Variants in LRMDA observed in about 807,000 individuals in gnomAD.
LRMDA encodes leucine-rich melanocyte differentiation-associated protein.
A neutral mutation model predicts 29.8 loss-of-function variants in LRMDA; 18 were observed. The observed-to-expected ratio is 0.60, with a 90% CI of 0.42 to 0.90. The LOEUF is 0.90. Among genes scored for constraint, LRMDA ranks in the 40% least tolerant of loss-of-function variants. The pLI is 0.00. For synonymous variants in LRMDA, 125 were observed against 109.4 expected (o/e 1.14, Z -0.89); for missense variants, 273 against 273.9 (o/e 1.00, Z 0.02).
chr10:76,464,305 A>T (rs557721601), intron 6 of LRMDA, among the ~76,000 whole-genome samples: 1 of 152,288 alleles, frequency 6.6e-6, no homozygotes, highest in African/African-American at 2.4e-5. Flanking sequence ...GATGAGGATT[A>T]TGATGCATAG....
At chr10:75,529,367 G>T (rs896448808) in intron 2 of LRMDA, among the ~76,000 whole-genome samples, 1 of 152,200 alleles carries the variant, frequency 6.6e-6, no homozygotes, top group Non-Finnish European at 1.5e-5. Context: ...ACCAGCCAAA[G>T]AAGCAGTCAA....
At chr10:75,926,790 C>T (rs1391907561) in intron 2 of LRMDA, among the ~76,000 whole-genome samples, 1 of 152,206 alleles carries the variant, frequency 6.6e-6, no homozygotes, top group Non-Finnish European at 1.5e-5. Context: ...GCTTTCTACT[C>T]AGTGGGCTGT....
At chr10:75,573,944 C>T (rs561272765) in intron 2 of LRMDA, among the ~76,000 whole-genome samples, 1 of 151,500 alleles carries the variant, frequency 6.6e-6, no homozygotes, top group South Asian at 2.1e-4. Flanking sequence ...TTTACATACA[C>T]TAATAGAACA....
chr10:75,533,423 G>A (rs913959756), intron 2 of LRMDA, among the ~76,000 whole-genome samples: 1 of 152,224 alleles, frequency 6.6e-6, no homozygotes, highest in Admixed American at 6.5e-5. Context: ...GAGCCTGGGA[G>A]AGTTTCGTGC....
chr10:75,648,876 T>C (rs1248987350), intron 2 of LRMDA, among the ~76,000 whole-genome samples: 1 of 152,182 alleles, frequency 6.6e-6, no homozygotes, highest in Non-Finnish European at 1.5e-5. Context: ...AAGAAACAGA[T>C]GTTCTGAGTA....
At chr10:76,148,877 A>G (rs904205794) in intron 5 of LRMDA, among the ~76,000 whole-genome samples, 4 of 152,068 alleles carry the variant, frequency 2.6e-5, no homozygotes, top group African/African-American at 9.7e-5. Context: ...ACAGGCCTAC[A>G]AGCATCTCCT....
chr10:76,449,113 G>A (rs977733707), intron 6 of LRMDA, among the ~76,000 whole-genome samples: 2 of 151,708 alleles, frequency 1.3e-5, no homozygotes, highest in African/African-American at 4.8e-5. Flanking sequence ...AAATGCCTCA[G>A]GGGTATTTGA....
chr10:76,381,201 C>T (rs1486625972), intron 6 of LRMDA, among the ~76,000 whole-genome samples: 1 of 151,868 alleles, frequency 6.6e-6, no homozygotes, highest in Non-Finnish European at 1.5e-5. Flanking sequence ...AAAGGAGTTA[C>T]TATTACATTA....
chr10:75,831,609 G>T (rs1216666237), intron 2 of LRMDA, among the ~76,000 whole-genome samples: 1 of 152,158 alleles, frequency 6.6e-6, no homozygotes, highest in East Asian at 1.9e-4. Context: ...AGTTCCACTA[G>T]GTAGTGCCTC....
chr10:76,377,663 A>G (rs572414677), intron 6 of LRMDA, among the ~76,000 whole-genome samples: 1 of 152,172 alleles, frequency 6.6e-6, no homozygotes, highest in African/African-American at 2.4e-5. Context: ...TGTTTTGTCA[A>G]CTTTGTTGGA....
At chr10:76,365,107 T>TATATATATATATATATATAC (rs141131236) in intron 6 of LRMDA, among the ~76,000 whole-genome samples, 7 of 61,202 alleles carry the variant, frequency 1.1e-4, no homozygotes, top group African/African-American at 2.8e-4. Flanking sequence ...TATATATATA[T>TATATATATATATATATATAC]ACACACACAC....
intron 6 of LRMDA, among the ~76,000 whole-genome samples, chr10:76,348,147 A>G (rs566472069): frequency 7.9e-5 from 12 of 152,228 alleles, no homozygotes; most frequent in African/African-American, 2.9e-4. Flanking sequence ...AAAAACAGAG[A>G]TTAGAAATCA....
chr10:75,816,758 C>T (rs962798900), intron 2 of LRMDA, among the ~76,000 whole-genome samples: 2 of 152,130 alleles, frequency 1.3e-5, no homozygotes, highest in South Asian at 2.1e-4. Context: ...GGATGTATAG[C>T]GAGTCCTCAT....
chr10:76,132,473 C>T (rs1850010373), intron 5 of LRMDA, among the ~76,000 whole-genome samples: 1 of 152,110 alleles, frequency 6.6e-6, no homozygotes, highest in Admixed American at 6.5e-5. Context: ...ATACGAATGA[C>T]CCTAAGGCAC....
At chr10:75,869,893 A>T (rs1049065778) in intron 2 of LRMDA, among the ~76,000 whole-genome samples, 1 of 152,016 alleles carries the variant, frequency 6.6e-6, no homozygotes, top group East Asian at 1.9e-4. Context: ...TCCAAAGATA[A>T]TTTCCTGTGA....
At chr10:75,840,343 G>C (rs1338515027) in intron 2 of LRMDA, among the ~76,000 whole-genome samples, 1 of 152,144 alleles carries the variant, frequency 6.6e-6, no homozygotes, top group Non-Finnish European at 1.5e-5. Flanking sequence ...CCTTTCCAGG[G>C]TTGGTCTAAG....
intron 2 of LRMDA, among the ~76,000 whole-genome samples, chr10:75,560,844 T>G (rs1015232155): frequency 6.6e-6 from 1 of 152,200 alleles, no homozygotes; most frequent in Admixed American, 6.5e-5. Context: ...ATTTATTGAT[T>G]TGCGTATATT....
rs35681299 is a variant in LRMDA at position 76,137,782 on chromosome 10, A to C, written c.516+78999A>C. 7.8e-3 allele frequency among the ~76,000 whole-genome samples: 1,167 copies of C among 149,898 alleles called. 11 individuals are homozygous for C. The highest frequency in any genetic ancestry group is 0.014 in the Non-Finnish European group (933 of 67,720). On this transcript the variant is annotated intron_variant, in intron 5 of 6. Transcript: ENST00000611255. ...ACACAGTCCCTATGGCAAAAAAAAAAAAAACAAACAAAAAACCCTAAACTT... is the reference window on the plus strand; with the variant it reads ...ACACAGTCCCTATGGCAAAAAAAAACAAAACAAACAAAAAACCCTAAACTT...
chr10:76,157,065 C>G (rs940363163), intron 5 of LRMDA, among the ~76,000 whole-genome samples: 5 of 152,142 alleles, frequency 3.3e-5, no homozygotes, highest in Non-Finnish European at 7.4e-5. Flanking sequence ...AATGAAGTGT[C>G]ATGATCAAGA....
Sources: gnomAD v4.1 joint callset for allele counts (sites outside exome capture counted in the v4.1 genomes callset) on GRCh38, gnomAD v4.1.1 for gene constraint, MANE v1.5 for transcripts, NCBI Gene and HGNC (gene_info 2026-07-23, HGNC 2026-07-21) for gene names.